SORCS3: variants seen among roughly 807,000 people sequenced by gnomAD.
SORCS3 encodes sortilin related VPS10 domain containing receptor 3, also known as VPS10 domain-containing receptor SorCS3.
A neutral mutation model predicts 146.3 loss-of-function variants in SORCS3; 57 were observed. That is an observed-to-expected ratio of 0.39 (90% CI 0.31 to 0.49). SORCS3 has a LOEUF of 0.49. Among genes scored for constraint, SORCS3 ranks in the 20% least tolerant of loss-of-function variants. The pLI is 0.92. For synonymous variants in SORCS3, 653 were observed against 618.5 expected (o/e 1.06, Z -0.83); for missense variants, 1,341 against 1,575.5 (o/e 0.85, Z 2.52).
At chr10:105,248,249 A>G (rs2056878805) in intron 22 of SORCS3, among the ~76,000 whole-genome samples, 1 of 152,230 alleles carries the variant, frequency 6.6e-6, no homozygotes, top group Non-Finnish European at 1.5e-5. Context: ...CATGGCCAGC[A>G]TCTCTATGGG....
At chr10:104,812,060 G>GA (rs774097085) in intron 1 of SORCS3, among the ~76,000 whole-genome samples, 199 of 151,934 alleles carry the variant, frequency 1.3e-3, no homozygotes, top group Non-Finnish European at 2.3e-3. Flanking sequence ...ATGCCAAAGA[G>GA]AAAAAAAATA....
chr10:105,006,780 C>CT (rs1374434570), intron 4 of SORCS3, among the ~76,000 whole-genome samples: 1 of 152,210 alleles, frequency 6.6e-6, no homozygotes, highest in Non-Finnish European at 1.5e-5. Flanking sequence ...GAAATCACAT[C>CT]TTTTTGGAAA....
At chr10:105,252,139 C>G (rs1476630209) in intron 22 of SORCS3, among the ~76,000 whole-genome samples, 2 of 152,084 alleles carry the variant, frequency 1.3e-5, no homozygotes, top group African/African-American at 4.8e-5. Context: ...TATTTTGGAT[C>G]ATGTCTTTAG....
intron 20 of SORCS3, among the ~76,000 whole-genome samples, chr10:105,234,975 C>A (rs1464827735): frequency 6.6e-6 from 1 of 151,944 alleles, no homozygotes; most frequent in Non-Finnish European, 1.5e-5. Flanking sequence ...GTAAATAAGT[C>A]TTTAGTAATG....
chr10:105,223,001 CCCTT>C lies in SORCS3; in HGVS notation c.2735-110_2735-107del, dbSNP rs2056712809. 8.9e-6 allele frequency: 10 copies of C among 1,129,050 alleles called. No homozygotes were observed. In the South Asian group the frequency reaches 1.1e-4, roughly 12 times the overall value. 69.9% of individuals were successfully genotyped at this position (1,129,050 alleles called of 1,614,324 possible). A position where few individuals can be genotyped will look rare whatever the true frequency, so the allele number is the denominator to read the frequency against. On this transcript the variant is annotated intron_variant, in intron 19 of 26. Transcript: ENST00000369701. ...CCTCCCAATGTATATGGTTTTGTGACCCTTCCTTTTTTACAGGAGATGCGAATAG... is the reference window on the plus strand; with the variant it reads ...CCTCCCAATGTATATGGTTTTGTGACCCTTTTTTACAGGAGATGCGAATAG...
At chr10:104,966,235 T>C (rs7088485) in intron 3 of SORCS3, among the ~76,000 whole-genome samples, 24,034 of 151,944 alleles carry the variant, frequency 0.16, 3,675 homozygotes, top group African/African-American at 0.41. Flanking sequence ...CCCTTCTTTC[T>C]CCTCAGTTGA....
intron 1 of SORCS3, among the ~76,000 whole-genome samples, chr10:104,714,228 T>C (rs2016451475): frequency 6.6e-6 from 1 of 152,098 alleles, no homozygotes; most frequent in Admixed American, 6.5e-5. Context: ...TTTTCTCTAT[T>C]GTTTTTCTGT....
intron 5 of SORCS3, among the ~76,000 whole-genome samples, chr10:105,072,820 A>G (rs781387233): frequency 5.9e-5 from 9 of 152,070 alleles, no homozygotes; most frequent in Non-Finnish European, 1.0e-4. Context: ...ATACATGACA[A>G]TAATTGGGAT....
intron 3 of SORCS3, among the ~76,000 whole-genome samples, chr10:104,946,500 G>A (rs539232505): frequency 6.8e-4 from 104 of 152,254 alleles, no homozygotes; most frequent in African/African-American, 2.2e-3. Flanking sequence ...GCACTTTGTC[G>A]TAGTCAGACC....
chr10:105,003,995 T>C (rs1343374722), intron 4 of SORCS3, among the ~76,000 whole-genome samples: 1 of 115,966 alleles, frequency 8.6e-6, no homozygotes, highest in Non-Finnish European at 1.7e-5. Context: ...TTTTCTCTTC[T>C]CTCTCTTTTT....
At position 104,750,169 on chromosome 10, in the gene SORCS3, A is replaced by G. The variant is rs140734306; in HGVS notation, c.628-92623A>G. ...TGAAAATGACCCAGGGAAAGATTAT[A>G]GAAGGGGCTACTAAGATAATGAAGA... On this transcript the variant is annotated intron_variant, in intron 1 of 26. Transcript: ENST00000369701. Among the ~76,000 whole-genome samples the G allele has an allele frequency of 2.5e-3, 383 of 152,330 alleles. 1 individual carries two copies. The highest frequency in any genetic ancestry group is 4.6e-3 in the Non-Finnish European group (310 of 68,042).
rs1001467136 is a variant in SORCS3 at position 105,147,826 on chromosome 10, G to T, written c.1482+30G>T. The T allele has an allele frequency of 6.3e-6, 10 of 1,589,080 alleles. No individual in the cohort carries two copies. The South Asian group carries it at 7.9e-5, about 13-fold the overall frequency. On this transcript the variant is annotated intron_variant, in intron 9 of 26. Coordinates refer to ENST00000369701, the MANE Select transcript of SORCS3 (RefSeq NM_014978.3). ...GTAGCCAAAATTCTCCTTCCCTTGG[G>T]TCTGTCTCTCTTTTTCCTGAGTTTT...
At chr10:104,738,372 C>T (rs1042831262) in intron 1 of SORCS3, among the ~76,000 whole-genome samples, 20 of 152,108 alleles carry the variant, frequency 1.3e-4, no homozygotes, top group Admixed American at 7.9e-4. Context: ...CATTTTATAT[C>T]GATCCAGCCG....
intron 1 of SORCS3, among the ~76,000 whole-genome samples, chr10:104,788,993 C>G (rs1451034392): frequency 6.6e-6 from 1 of 152,182 alleles, no homozygotes; most frequent in Non-Finnish European, 1.5e-5. Flanking sequence ...TTTGTCTTCC[C>G]CCACCTGGGC....
intron 7 of SORCS3, among the ~76,000 whole-genome samples, chr10:105,110,685 C>T (rs910706215): frequency 3.3e-5 from 5 of 152,032 alleles, no homozygotes; most frequent in African/African-American, 9.7e-5. Context: ...TCCTTTCCCA[C>T]GTATATTGTG....
At chr10:105,196,711 C>G (rs2056546167) in intron 14 of SORCS3, among the ~76,000 whole-genome samples, 1 of 152,200 alleles carries the variant, frequency 6.6e-6, no homozygotes. Context: ...TCTTCCCTCA[C>G]TGCACTTAGG....
At chr10:105,159,897 CT>C (rs564160509) in intron 11 of SORCS3, among the ~76,000 whole-genome samples, 78 of 152,324 alleles carry the variant, frequency 5.1e-4, no homozygotes, top group Non-Finnish European at 9.6e-4. Context: ...CTGGCATAGC[CT>C]TCTGGCATGT....
chr10:104,943,684 A>G (rs1016814351), intron 3 of SORCS3, among the ~76,000 whole-genome samples: 2 of 152,172 alleles, frequency 1.3e-5, no homozygotes, highest in African/African-American at 4.8e-5. Context: ...TGGAAATTCT[A>G]ATGGACTTTT....
intron 1 of SORCS3, among the ~76,000 whole-genome samples, chr10:104,782,095 C>T (rs746657315): frequency 3.9e-5 from 6 of 152,216 alleles, no homozygotes; most frequent in Non-Finnish European, 8.8e-5. Context: ...CACCTAATAA[C>T]TTGGAGCAGG....
Sources: gnomAD v4.1 joint callset for allele counts (sites outside exome capture counted in the v4.1 genomes callset) on GRCh38, gnomAD v4.1.1 for gene constraint, MANE v1.5 for transcripts, NCBI Gene and HGNC (gene_info 2026-07-23, HGNC 2026-07-21) for gene names.